SMAD2: variants seen among roughly 807,000 people sequenced by gnomAD.
SMAD2 encodes SMAD family member 2.
SMAD2 carries 8 observed loss-of-function variants against 64.4 expected under a neutral mutation model. The observed-to-expected ratio is 0.12, with a 90% CI of 0.07 to 0.22. The LOEUF is 0.22. Ranked by LOEUF, SMAD2 falls within the 10% of genes least tolerant of loss-of-function variation. The pLI is 1.00. For synonymous variants in SMAD2, 203 were observed against 195.8 expected (o/e 1.04, Z -0.31); for missense variants, 289 against 561.2 (o/e 0.51, Z 4.90).
intron 2 of SMAD2, among the ~76,000 whole-genome samples, chr18:47,890,438 A>G (rs1360655613): frequency 6.6e-6 from 1 of 152,238 alleles, no homozygotes; most frequent in Non-Finnish European, 1.5e-5. Flanking sequence ...TCTACAATTT[A>G]ATGTGAGTTC....
At chr18:47,904,588 A>C (rs942179285) in intron 1 of SMAD2, among the ~76,000 whole-genome samples, 1 of 152,168 alleles carries the variant, frequency 6.6e-6, no homozygotes, top group Non-Finnish European at 1.5e-5. Flanking sequence ...ATCCCGTACT[A>C]ATACACAGCA....
chr18:47,870,163 T>C (rs1386319213), intron 3 of SMAD2, among the ~76,000 whole-genome samples: 1 of 152,134 alleles, frequency 6.6e-6, no homozygotes, highest in Non-Finnish European at 1.5e-5. Flanking sequence ...TGTATCTACT[T>C]AAAAATTAGG....
chr18:47,872,985 C>T (rs113114656), intron 2 of SMAD2, among the ~76,000 whole-genome samples: 5,033 of 151,914 alleles, frequency 0.033, 115 homozygotes, highest in Middle Eastern at 0.058. Flanking sequence ...CCTCAGCCTC[C>T]TGAGTAGCTG....
rs2034962777 is a variant in SMAD2, at chr18:47,930,482, G to C, written c.-175C>G. 6.6e-6 allele frequency: 1 copy of C among 151,672 alleles called. No individual in the cohort carries two copies. The highest frequency in any genetic ancestry group is 2.1e-4 in the South Asian group (1 of 4,820). The allele number at this position is 151,672 out of a possible 1,614,324, so 9.4% of individuals were successfully genotyped here. A position where few individuals can be genotyped will look rare whatever the true frequency, so the allele number is the denominator to read the frequency against. ...AAGAGGGGAATGGGCGATTGGAGGCGGAACTGAAAACACTCCCGGCCGCCG... is the reference window on the plus strand; with the variant it reads ...AAGAGGGGAATGGGCGATTGGAGGCCGAACTGAAAACACTCCCGGCCGCCG... On this transcript the variant is annotated 5_prime_UTR_variant, in exon 1 of 11. Coordinates refer to ENST00000262160, the MANE Select transcript of SMAD2 (RefSeq NM_005901.6).
At chr18:47,861,122 G>T (rs765593414) in intron 6 of SMAD2, among the ~76,000 whole-genome samples, 2 of 152,110 alleles carry the variant, frequency 1.3e-5, no homozygotes, top group East Asian at 3.9e-4. Context: ...TTGGGAGGCC[G>T]AGGCGGGTGG....
At position 47,838,767 on chromosome 18, in the gene SMAD2, C is replaced by T. The variant is rs1377251930; in HGVS notation, c.*3060G>A. 4.3e-6 allele frequency: 1 copy of T among 232,468 alleles called. No individual in the cohort carries two copies. The highest frequency in any genetic ancestry group is 6.0e-5 in the East Asian group (1 of 16,608). The allele number at this position is 232,468 out of a possible 1,614,324, so 14.4% of individuals were successfully genotyped here. The stretch of plus-strand genomic sequence containing the variant: ...ATATGCCACTAAGTCAGTGAGAACT[C>T]CAACAGCCTCCCCTAAGCCAGCCCC... On this transcript the variant is annotated 3_prime_UTR_variant, in exon 11 of 11. Transcript: ENST00000262160.
chr18:47,882,170 G>A lies in SMAD2; in HGVS notation c.237-11606C>T, dbSNP rs545576074. ...CAAAGTGCTGGGATTAGAGGCATAA[G>A]CCATCGCATCTGACCTGATTAATTT... is the stretch of plus-strand genomic sequence containing the variant. On this transcript the variant is annotated intron_variant, in intron 2 of 10. Coordinates refer to ENST00000262160, the MANE Select transcript of SMAD2 (RefSeq NM_005901.6). Among the ~76,000 whole-genome samples the A allele has an allele frequency of 3.4e-5, 5 of 148,018 alleles. No individual in the cohort carries two copies. In the South Asian group the frequency reaches 1.1e-3, roughly 32 times the overall value.
intron 6 of SMAD2, among the ~76,000 whole-genome samples, chr18:47,862,420 G>A (rs2031254913): frequency 6.6e-6 from 1 of 152,192 alleles, no homozygotes; most frequent in Admixed American, 6.5e-5. Context: ...CTCAAGGGGA[G>A]AATCTGTTCC....
At position 47,880,904 on chromosome 18, in the gene SMAD2, G is replaced by C. The variant is rs76787386; in HGVS notation, c.237-10340C>G. ...GGGATCAGCAGGTGATTTTGGCAAA[G>C]TTTGTAGGCAGAATCCAGGGCTCTC... On this transcript the variant is annotated intron_variant, in intron 2 of 10. Coordinates refer to ENST00000262160, the MANE Select transcript of SMAD2 (RefSeq NM_005901.6). Among the ~76,000 whole-genome samples, 1,440 of 152,246 alleles carry C rather than the reference G, an allele frequency of 9.5e-3. 24 individuals carry two copies. Among genetic ancestry groups the C allele is most frequent in the African/African-American group, 0.033 (1,352 of 41,538 alleles).
chr18:47,834,461 G>A lies in SMAD2; in HGVS notation c.*7366C>T, dbSNP rs1463431394. On this transcript the variant is annotated 3_prime_UTR_variant, in exon 11 of 11. Transcript: ENST00000262160. ...GCATCCAGGGAAACCCTCAATCCCAGGCACTTTAGGGCAGCTGGTCACCCT... is the reference window on the plus strand; with the variant it reads ...GCATCCAGGGAAACCCTCAATCCCAAGCACTTTAGGGCAGCTGGTCACCCT... 4.9e-6 allele frequency: 1 copy of A among 203,940 alleles called. No homozygotes were observed. Among genetic ancestry groups the A allele is most frequent in the African/African-American group, 2.3e-5 (1 of 43,662 alleles). The allele number at this position is 203,940 out of a possible 1,614,324, so 12.6% of individuals were successfully genotyped here. A position where few individuals can be genotyped will look rare whatever the true frequency, so the allele number is the denominator to read the frequency against.
At chr18:47,922,611 T>G (rs1023304864) in intron 1 of SMAD2, 1 of 152,116 alleles carries the variant, frequency 6.6e-6, no homozygotes, top group African/African-American at 2.4e-5. Context: ...CCGGAACCAA[T>G]CCTCTGTGGA....
Position 47,915,545 on chromosome 18 carries a change from A to G in SMAD2, c.-54+14816T>C, listed in dbSNP as rs1455367001. ...ATGTAAAAGCTCTTCTAGGGCAGAA[A>G]ATTTCAAACTTTCAAACTTTTTAAC... On this transcript the variant is annotated intron_variant, in intron 1 of 10. Coordinates refer to ENST00000262160, the MANE Select transcript of SMAD2 (RefSeq NM_005901.6). Among the ~76,000 whole-genome samples, 5 of 152,312 alleles carry G rather than the reference A, an allele frequency of 3.3e-5. No homozygotes were observed. The East Asian group carries it at 9.6e-4, about 29-fold the overall frequency.
At chr18:47,927,576 TTGAATAAA>T (rs2034815341) in intron 1 of SMAD2, among the ~76,000 whole-genome samples, 1 of 152,224 alleles carries the variant, frequency 6.6e-6, no homozygotes, top group Non-Finnish European at 1.5e-5. Flanking sequence ...AAGCTGTTTG[TTGAATAAA>T]TGAATAAATG....
In SMAD2 at chr18:47,810,782, G is replaced by A. The variant is rs1423739220; in HGVS notation, c.*31045C>T. ...AGATCCTGTCTCTGTTAAAAAAGAA[G>A]AAAGGAAATGTAAATAAAATAGTCC... On this transcript the variant is annotated 3_prime_UTR_variant, in exon 11 of 11. Transcript: ENST00000262160. 6.6e-6 allele frequency: 1 copy of A among 152,096 alleles called. No individual in the cohort carries two copies. Among genetic ancestry groups the A allele is most frequent in the African/African-American group, 2.4e-5 (1 of 41,418 alleles). The allele number at this position is 152,096 out of a possible 1,614,324, so 9.4% of individuals were successfully genotyped here. A position where few individuals can be genotyped will look rare whatever the true frequency, so the allele number is the denominator to read the frequency against.
At chr18:47,916,711 A>G (rs1363002093) in intron 1 of SMAD2, among the ~76,000 whole-genome samples, 1 of 152,206 alleles carries the variant, frequency 6.6e-6, no homozygotes, top group Non-Finnish European at 1.5e-5. Flanking sequence ...ATTTCTAAAC[A>G]TGACTAAGTT....
intron 7 of SMAD2, among the ~76,000 whole-genome samples, 175 bp downstream of exon 7, chr18:47,851,099 G>A (rs1472633206): frequency 1.3e-5 from 2 of 150,576 alleles, no homozygotes; most frequent in Non-Finnish European, 3.0e-5. Context: ...ATAATTTTGA[G>A]GGATGGTGTC....
At chr18:47,842,350 G>C (rs1303428268) in intron 10 of SMAD2, among the ~76,000 whole-genome samples, 1 of 152,078 alleles carries the variant, frequency 6.6e-6, no homozygotes. Context: ...GACCATCCTG[G>C]CCAACATGGT....
Position 47,839,198 on chromosome 18 carries a change from AATCGC to A in SMAD2, c.*2624_*2628del. ...GTCCCAATTTCATACTGTACAGAAA[AATCGC>A]ATCAGAACTGTAGAGATGCGCTCCA... is the stretch of plus-strand genomic sequence containing the variant. On this transcript the variant is annotated 3_prime_UTR_variant, in exon 11 of 11. Coordinates refer to ENST00000262160, the MANE Select transcript of SMAD2 (RefSeq NM_005901.6). The A allele has an allele frequency of 4.3e-6, 1 of 233,360 alleles. No individual in the cohort carries two copies. Among genetic ancestry groups the A allele is most frequent in the Non-Finnish European group, 8.5e-6 (1 of 118,046 alleles). 14.5% of individuals were successfully genotyped at this position (233,360 alleles called of 1,614,324 possible).
At chr18:47,900,716 A>G (rs1767151810) in intron 1 of SMAD2, among the ~76,000 whole-genome samples, 1 of 152,058 alleles carries the variant, frequency 6.6e-6, no homozygotes, top group Non-Finnish European at 1.5e-5. Flanking sequence ...TTTCCAATGC[A>G]TAGACTTAAG....
Sources: gnomAD v4.1 joint callset for allele counts (sites outside exome capture counted in the v4.1 genomes callset) on GRCh38, gnomAD v4.1.1 for gene constraint, MANE v1.5 for transcripts, NCBI Gene and HGNC (gene_info 2026-07-23, HGNC 2026-07-21) for gene names.